The following MAPT variants were observed in gnomAD, a reference collection of about 807,000 sequenced individuals.
MAPT encodes microtubule-associated protein tau.
In MAPT, 34 loss-of-function variants were observed where a neutral mutation model predicts 67.9. The ratio of observed to expected loss-of-function variants is 0.50; its 90% CI spans 0.38 to 0.67. The LOEUF (loss-of-function observed/expected upper bound fraction) is 0.67, where lower values mean the gene tolerates loss of function less well. MAPT is among the 30% of genes least tolerant of loss of function. The pLI is 0.00. For missense variants in MAPT, 881 were observed against 1,115.2 expected, an observed-to-expected ratio of 0.79 and a Z score of 2.99; for synonymous variants, 456 against 464.5, an observed-to-expected ratio of 0.98 and a Z score of 0.23.
chr17:45,960,723 T>C (rs988414115), intron 1 of MAPT, among the ~76,000 whole-genome samples: 15 of 151,938 alleles, frequency 9.9e-5, no homozygotes, highest in African/African-American at 3.6e-4. Context: ...GAGGCGGATA[T>C]GGGAGGATCA....
At chr17:45,954,983 T>TCAAAAACAAAAA (rs560535735) in intron 1 of MAPT, among the ~76,000 whole-genome samples, 1 of 151,880 alleles carries the variant, frequency 6.6e-6, no homozygotes, top group African/African-American at 2.4e-5. Flanking sequence ...AGACTCCGTC[T>TCAAAAACAAAAA]CAAAAACAAA....
At chr17:45,905,469 C>T (rs933823485) in intron 1 of MAPT, among the ~76,000 whole-genome samples, 2 of 151,916 alleles carry the variant, frequency 1.3e-5, no homozygotes, top group Non-Finnish European at 2.9e-5. Context: ...AACCAATGTT[C>T]GATGGCTGAT....
intron 1 of MAPT, among the ~76,000 whole-genome samples, chr17:45,921,275 A>T (rs1413680792): frequency 6.6e-6 from 1 of 152,182 alleles, no homozygotes; most frequent in Non-Finnish European, 1.5e-5. Context: ...TGGACCATCA[A>T]CATCCCTTGG....
rs755854723 is a variant in MAPT at position 46,006,979 on chromosome 17, T to TAAATA, written c.1999-3316_1999-3312dup. ...TAAAATAAAATAAAATAAAATAAAA[T>TAAATA]AAATAAAATAAAATAAAATGTATAA... On this transcript the variant is annotated intron_variant, in intron 9 of 12. Transcript: ENST00000262410. Among the ~76,000 whole-genome samples the TAAATA allele has an allele frequency of 6.1e-4, 69 of 113,326 alleles. 1 individual carries two copies. The highest frequency in any genetic ancestry group is 5.4e-3 in the Middle Eastern group (1 of 184). The allele number at this position is 113,326 out of a possible 152,430, so 74.3% of individuals were successfully genotyped here.
At chr17:45,898,476 G>T (rs886873882) in intron 1 of MAPT, 1 of 152,232 alleles carries the variant, frequency 6.6e-6, no homozygotes, top group African/African-American at 2.4e-5. Context: ...GCCCTTGGAG[G>T]TCGGTGCCAG....
intron 1 of MAPT, among the ~76,000 whole-genome samples, chr17:45,934,892 G>C (rs184466495): frequency 3.6e-4 from 41 of 112,844 alleles, no homozygotes; most frequent in Non-Finnish European, 7.4e-4. Flanking sequence ...TTTCCCCCCC[G>C]CTTCTTAGAA....
intron 11 of MAPT, 151 bp downstream of exon 11, chr17:46,014,475 G>A (rs1312195711): frequency 5.2e-5 from 37 of 705,926 alleles, no homozygotes; most frequent in Admixed American, 2.2e-4. Context: ...TGAAACTTGC[G>A]GGAGCCCAGG....
chr17:46,012,543 C>T (rs530467627), intron 10 of MAPT, among the ~76,000 whole-genome samples: 38 of 152,210 alleles, frequency 2.5e-4, no homozygotes, highest in African/African-American at 8.9e-4. Context: ...CTGGCCTGAG[C>T]CCTAGCCTCT....
chr17:45,959,053 A>T (rs943735054), intron 1 of MAPT, among the ~76,000 whole-genome samples: 1 of 152,156 alleles, frequency 6.6e-6, no homozygotes, highest in African/African-American at 2.4e-5. Context: ...ACAGAGCGAG[A>T]CTCTGTCCCA....
chr17:46,022,063 T>C (rs890633570), intron 12 of MAPT, among the ~76,000 whole-genome samples: 1 of 152,016 alleles, frequency 6.6e-6, no homozygotes, highest in African/African-American at 2.4e-5. Flanking sequence ...TTCAAGAAAA[T>C]ACAGTAACAG....
chr17:45,927,888 T>C (rs113796169), intron 1 of MAPT, among the ~76,000 whole-genome samples: 1 of 151,146 alleles, frequency 6.6e-6, no homozygotes, highest in Admixed American at 6.6e-5. Context: ...TAGTCCCAGC[T>C]ACTCGGGAGG....
intron 5 of MAPT, among the ~76,000 whole-genome samples, chr17:45,985,380 G>A (rs2073436778): frequency 6.6e-6 from 1 of 152,028 alleles, no homozygotes. Flanking sequence ...AAAACAGTAG[G>A]GGACAAATAA....
At chr17:45,924,279 C>T (rs971298252) in intron 1 of MAPT, among the ~76,000 whole-genome samples, 2 of 152,156 alleles carry the variant, frequency 1.3e-5, no homozygotes, top group Non-Finnish European at 2.9e-5. Context: ...ATCTCCAAAG[C>T]CCACTTCAAT....
chr17:45,957,406 A>G (rs2069860381), intron 1 of MAPT, among the ~76,000 whole-genome samples: 1 of 152,210 alleles, frequency 6.6e-6, no homozygotes, highest in African/African-American at 2.4e-5. Flanking sequence ...TCTTTTCACA[A>G]GTTCATGGAG....
intron 9 of MAPT, among the ~76,000 whole-genome samples, chr17:46,001,381 GA>G (rs1302707263): frequency 3.3e-5 from 5 of 151,980 alleles, no homozygotes; most frequent in Admixed American, 6.6e-5. Flanking sequence ...TACAAGAAAA[GA>G]AATAAGAATC....
At chr17:46,011,830 C>A (rs1037136544) in intron 10 of MAPT, among the ~76,000 whole-genome samples, 1 of 152,196 alleles carries the variant, frequency 6.6e-6, no homozygotes, top group Non-Finnish European at 1.5e-5. Context: ...CTGCTTCCTG[C>A]CCTGAGCACC....
intron 9 of MAPT, chr17:45,999,817 C>G: frequency 1.5e-6 from 1 of 656,288 alleles, no homozygotes. Flanking sequence ...GCAGAGGACA[C>G]AGTCACAGCC....
chr17:45,956,356 C>T (rs1338791084), intron 1 of MAPT, among the ~76,000 whole-genome samples: 1 of 152,032 alleles, frequency 6.6e-6, no homozygotes, highest in African/African-American at 2.4e-5. Flanking sequence ...AGCTGTCCAG[C>T]ATGCGGGTCC....
chr17:45,985,315 A>G (rs926934101), intron 5 of MAPT, among the ~76,000 whole-genome samples: 11 of 152,278 alleles, frequency 7.2e-5, no homozygotes, highest in Admixed American at 6.5e-4. Flanking sequence ...CAAAAAATAA[A>G]ATAAAATAAA....
Sources: gnomAD v4.1 joint callset for allele counts (sites outside exome capture counted in the v4.1 genomes callset) on GRCh38, gnomAD v4.1.1 for gene constraint, MANE v1.5 for transcripts, NCBI Gene and HGNC (gene_info 2026-07-23, HGNC 2026-07-21) for gene names.